The following FAM117B variants were observed in gnomAD, a reference collection of about 807,000 sequenced individuals.
FAM117B encodes protein FAM117B.
A neutral mutation model predicts 52.8 loss-of-function variants in FAM117B; 22 were observed. The ratio of observed to expected loss-of-function variants is 0.42; its 90% confidence interval spans 0.30 to 0.59. The LOEUF is 0.59. Ranked by LOEUF, FAM117B falls within the 20% of genes least tolerant of loss-of-function variation. FAM117B has a pLI of 0.22. For synonymous variants in FAM117B, 309 were observed against 324.1 expected, an observed-to-expected ratio of 0.95 and a Z score of 0.50; for missense variants, 678 against 802.6, an observed-to-expected ratio of 0.84 and a Z score of 1.88.
At chr2:202,649,700 C>T (rs969587922) in intron 1 of FAM117B, among the ~76,000 whole-genome samples, 9 of 151,858 alleles carry the variant, frequency 5.9e-5, no homozygotes, top group East Asian at 3.9e-4. Context: ...CACAGGCACG[C>T]GCCACCACAC....
intron 2 of FAM117B, among the ~76,000 whole-genome samples, chr2:202,701,508 A>G (rs1377542938): frequency 1.3e-5 from 2 of 152,254 alleles, no homozygotes; most frequent in Non-Finnish European, 2.9e-5. Flanking sequence ...TGAGGCCATA[A>G]CTGCCATAGA....
chr2:202,751,740 C>T (rs1691726784), intron 4 of FAM117B, among the ~76,000 whole-genome samples: 1 of 141,150 alleles, frequency 7.1e-6, no homozygotes, highest in Admixed American at 7.5e-5. Flanking sequence ...CCACTGCACT[C>T]CAGCCTAGGA....
At chr2:202,686,027 A>G (rs533177956) in intron 1 of FAM117B, among the ~76,000 whole-genome samples, 69 of 152,382 alleles carry the variant, frequency 4.5e-4, no homozygotes, top group African/African-American at 1.5e-3. Flanking sequence ...TTGTATGCAT[A>G]TATTTGACAG....
intron 1 of FAM117B, among the ~76,000 whole-genome samples, chr2:202,665,064 G>T (rs1690182524): frequency 6.6e-6 from 1 of 152,140 alleles, no homozygotes; most frequent in African/African-American, 2.4e-5. Flanking sequence ...ACAGAATCCA[G>T]TTCCTTGAGG....
intron 1 of FAM117B, among the ~76,000 whole-genome samples, chr2:202,647,521 CT>C (rs1415635692): frequency 1.3e-5 from 2 of 152,152 alleles, no homozygotes; most frequent in Admixed American, 6.5e-5. Context: ...AAACTTTCTT[CT>C]TTGATCTTGA....
intron 4 of FAM117B, among the ~76,000 whole-genome samples, chr2:202,746,598 A>G (rs1477857461): frequency 1.3e-5 from 2 of 152,148 alleles, no homozygotes; most frequent in Non-Finnish European, 2.9e-5. Flanking sequence ...AAAGATTATT[A>G]AAGATAAGCG....
chr2:202,640,295 AATATATATATAT>A (rs539187347), intron 1 of FAM117B, among the ~76,000 whole-genome samples: 3,592 of 51,280 alleles, frequency 0.07, 226 homozygotes, highest in South Asian at 0.087. Flanking sequence ...ACCACCACAA[AATATATATATAT>A]ATATATATAT....
At chr2:202,663,116 A>G (rs1395378305) in intron 1 of FAM117B, among the ~76,000 whole-genome samples, 22 of 152,224 alleles carry the variant, frequency 1.4e-4, no homozygotes, top group Admixed American at 7.9e-4. Context: ...TTCCATATCA[A>G]TAGGTACACT....
intron 2 of FAM117B, among the ~76,000 whole-genome samples, chr2:202,708,612 G>C (rs1379112992): frequency 6.6e-6 from 1 of 152,000 alleles, no homozygotes; most frequent in Non-Finnish European, 1.5e-5. Context: ...TTAATTATTT[G>C]TTTTGTTTTT....
rs570249089 is a variant in FAM117B, at chr2:202,759,294, T to C, written c.1392T>C (p.Tyr464=). 13 of 1,614,122 alleles carry C rather than the reference T, an allele frequency of 8.1e-6. No individual in the cohort carries two copies. The African/African-American group carries it at 1.1e-4, about 13-fold the overall frequency. ...YATSPKPNNS[Y]MFKREPPEGC... is the part of the protein sequence containing the mutation. Reference sequence around the variant, plus strand: ...CCTCACCAAAACCTAACAACAGTTATATGTTCAAAAGGGAACCTCCTGAGG... The same window carrying C: ...CCTCACCAAAACCTAACAACAGTTACATGTTCAAAAGGGAACCTCCTGAGG... The change falls in exon 7 of 8, where the codon TAT becomes TAC. Residue 464 remains tyrosine (Y), a synonymous_variant. Coordinates refer to ENST00000392238, the MANE Select transcript of FAM117B (RefSeq NM_173511.4).
rs1462765118 is a variant in FAM117B, at chr2:202,769,010, G to A, written c.*3246G>A. On this transcript the variant is annotated 3_prime_UTR_variant, in exon 8 of 8. Transcript: ENST00000392238. The stretch of plus-strand genomic sequence containing the variant: ...TACGCAACTGTGTTTTAAAAATACC[G>A]GTTTTGCCTCTTTGGTTACATGTGG... 3.9e-5 allele frequency: 6 copies of A among 151,914 alleles called. No homozygotes were observed. The highest frequency in any genetic ancestry group is 2.1e-4 in the South Asian group (1 of 4,806). 9.4% of individuals were successfully genotyped at this position (151,914 alleles called of 1,614,324 possible). A position where few individuals can be genotyped will look rare whatever the true frequency, so the allele number is the denominator to read the frequency against.
chr2:202,758,410 C>T (rs1574306854), intron 6 of FAM117B, among the ~76,000 whole-genome samples: 1 of 152,242 alleles, frequency 6.6e-6, no homozygotes, highest in Non-Finnish European at 1.5e-5. Context: ...ACGTCAATAA[C>T]ATGTAGAAAG....
chr2:202,696,295 A>G (rs1690711001), intron 2 of FAM117B, among the ~76,000 whole-genome samples: 1 of 151,890 alleles, frequency 6.6e-6, no homozygotes. Context: ...TTTTTTTCCC[A>G]CTTATTCTTT....
chr2:202,697,662 T>C (rs529053351), intron 2 of FAM117B, among the ~76,000 whole-genome samples: 3 of 151,942 alleles, frequency 2.0e-5, no homozygotes, highest in Admixed American at 2.0e-4. Flanking sequence ...GCGATTCTCA[T>C]GCCTCAGCCT....
intron 2 of FAM117B, among the ~76,000 whole-genome samples, chr2:202,721,612 TATAA>T (rs1691154048): frequency 1.4e-4 from 21 of 152,284 alleles, no homozygotes; most frequent in Admixed American, 3.3e-4. Context: ...TTAATTACCT[TATAA>T]TTTTAGTATG....
chr2:202,642,416 C>T (rs1231635234), intron 1 of FAM117B, among the ~76,000 whole-genome samples: 2 of 150,092 alleles, frequency 1.3e-5, no homozygotes, highest in Non-Finnish European at 3.0e-5. Context: ...AGGCATTGAT[C>T]ACCTGAATTT....
At chr2:202,679,908 A>G (rs578119376) in intron 1 of FAM117B, among the ~76,000 whole-genome samples, 2 of 152,330 alleles carry the variant, frequency 1.3e-5, no homozygotes, top group Admixed American at 1.3e-4. Flanking sequence ...TAGAGATAAT[A>G]TTATATGACA....
chr2:202,688,243 TATAG>T (rs1196176841), intron 1 of FAM117B, among the ~76,000 whole-genome samples: 6 of 152,100 alleles, frequency 3.9e-5, no homozygotes, highest in African/African-American at 1.2e-4. Flanking sequence ...TTCAAAAAAA[TATAG>T]ATAATAAATT....
chr2:202,691,406 G>A (rs569935459), intron 1 of FAM117B, among the ~76,000 whole-genome samples: 11 of 152,016 alleles, frequency 7.2e-5, no homozygotes, highest in East Asian at 1.9e-4. Context: ...GTGATGGAGC[G>A]AGATTCTTTC....
Sources: allele counts gnomAD v4.1 joint callset (sites outside exome capture counted in the v4.1 genomes callset), GRCh38; gene constraint gnomAD v4.1.1; transcripts MANE v1.5; gene names NCBI Gene and HGNC (gene_info 2026-07-23, HGNC 2026-07-21).